The following CLNK variants were observed in gnomAD, a reference collection of about 807,000 sequenced individuals.
CLNK encodes cytokine-dependent hematopoietic cell linker.
A neutral mutation model predicts 68.6 loss-of-function variants in CLNK; 74 were observed. That is an observed-to-expected ratio of 1.08 (90% CI 0.89 to 1.31). CLNK has a LOEUF of 1.31. Among genes scored for constraint, CLNK ranks in the 50% most tolerant of loss-of-function variants. The probability of loss-of-function intolerance (pLI) is 0.00; values close to 1 mark genes in which losing one functional copy is unlikely to be tolerated. For synonymous variants in CLNK, 198 were observed against 172.2 expected, an observed-to-expected ratio of 1.15 and a Z score of -1.17; for missense variants, 553 against 515.3, an observed-to-expected ratio of 1.07 and a Z score of -0.71.
At chr4:10,683,295 A>G (rs911969002) in intron 1 of CLNK, among the ~76,000 whole-genome samples, 3 of 152,198 alleles carry the variant, frequency 2.0e-5, no homozygotes, top group Non-Finnish European at 4.4e-5. Flanking sequence ...TGTTCAGGCC[A>G]GAGCTGGCCA....
At chr4:10,504,036 C>T (rs1210319165) in intron 17 of CLNK, among the ~76,000 whole-genome samples, 4 of 151,300 alleles carry the variant, frequency 2.6e-5, no homozygotes, top group Non-Finnish European at 4.4e-5. Flanking sequence ...CCACCTCAGC[C>T]GCCCGAAGTG....
chr4:10,526,139 T>C (rs1718310272), intron 13 of CLNK, among the ~76,000 whole-genome samples: 1 of 152,192 alleles, frequency 6.6e-6, no homozygotes, highest in South Asian at 2.1e-4. Flanking sequence ...TCACTTTTAA[T>C]ATTTACAAGC....
At chr4:10,595,090 C>A (rs748138026) in intron 3 of CLNK, among the ~76,000 whole-genome samples, 146 of 151,496 alleles carry the variant, frequency 9.6e-4, no homozygotes, top group Non-Finnish European at 9.9e-4. Flanking sequence ...TCAAAAAAAA[C>A]CAAACCAAAC....
the CLNK span, chr4:10,697,095 C>G: frequency 6.6e-6 from 1 of 152,330 alleles, no homozygotes; most frequent in Middle Eastern, 3.4e-3. Flanking sequence ...ACTGTCACCC[C>G]TCAACCTTTC....
At chr4:10,612,435 T>G (rs989319963) in intron 2 of CLNK, among the ~76,000 whole-genome samples, 3 of 152,240 alleles carry the variant, frequency 2.0e-5, no homozygotes, top group African/African-American at 7.2e-5. Context: ...ATTATTCCTG[T>G]TGACAACATT....
At chr4:10,677,978 T>C (rs1396882014) in intron 1 of CLNK, among the ~76,000 whole-genome samples, 1 of 152,194 alleles carries the variant, frequency 6.6e-6, no homozygotes, top group Non-Finnish European at 1.5e-5. Flanking sequence ...TGTCATTCTG[T>C]GCAAGAGACT....
At chr4:10,701,613 C>A in the CLNK span, among the ~76,000 whole-genome samples, 1 of 152,212 alleles carries the variant, frequency 6.6e-6, no homozygotes, top group Admixed American at 6.5e-5. Flanking sequence ...TATGCAGGAA[C>A]TGATCCTAAG....
chr4:10,582,490 C>T (rs935321154), intron 4 of CLNK, among the ~76,000 whole-genome samples: 1 of 152,144 alleles, frequency 6.6e-6, no homozygotes, highest in Non-Finnish European at 1.5e-5. Flanking sequence ...AGGCTTAAGA[C>T]AGAAGGACCC....
chr4:10,726,973 G>A, the CLNK span, among the ~76,000 whole-genome samples: 1 of 152,152 alleles, frequency 6.6e-6, no homozygotes, highest in Non-Finnish European at 1.5e-5. Flanking sequence ...GGGCCAAAAT[G>A]CAATAGGTAT....
In CLNK at chr4:10,489,718, G is replaced by C. The variant is rs1716486344; in HGVS notation, c.*749C>G. 1 of 42,456 alleles carries C rather than the reference G, an allele frequency of 2.4e-5. No individual in the cohort carries two copies. 2.6% of individuals were successfully genotyped at this position (42,456 alleles called of 1,614,324 possible). A position where few individuals can be genotyped will look rare whatever the true frequency, so the allele number is the denominator to read the frequency against. On this transcript the variant is annotated 3_prime_UTR_variant, in exon 19 of 19. Transcript: ENST00000226951. Reference sequence around the variant, plus strand: ...CTCTCTGTCCCCAGGCTGGATTGGAGTGCAGTGGCGCGATTTCGGCTCACT... The same window carrying C: ...CTCTCTGTCCCCAGGCTGGATTGGACTGCAGTGGCGCGATTTCGGCTCACT...
chr4:10,699,643 G>T, the CLNK span, among the ~76,000 whole-genome samples: 1 of 149,960 alleles, frequency 6.7e-6, no homozygotes, highest in African/African-American at 2.5e-5. Context: ...CTCCAAAGTA[G>T]CTGGGATTAC....
chr4:10,609,039 G>C (rs1241981431), intron 2 of CLNK, among the ~76,000 whole-genome samples: 1 of 152,190 alleles, frequency 6.6e-6, no homozygotes, highest in South Asian at 2.1e-4. Context: ...GAATTTTGAC[G>C]TAGGAACTTA....
At chr4:10,549,738 T>C (rs1419762166) in intron 8 of CLNK, among the ~76,000 whole-genome samples, 2 of 152,330 alleles carry the variant, frequency 1.3e-5, no homozygotes, top group Middle Eastern at 3.4e-3. Context: ...ACAAATATTC[T>C]AAAATGCTAG....
the CLNK span, among the ~76,000 whole-genome samples, chr4:10,730,418 A>C: frequency 1.1e-4 from 17 of 152,246 alleles, no homozygotes; most frequent in East Asian, 1.7e-3. Context: ...TCTGCCTACT[A>C]TTCATTCCCA....
intron 3 of CLNK, among the ~76,000 whole-genome samples, chr4:10,588,753 T>C (rs976149): frequency 0.041 from 6,219 of 152,268 alleles, 186 homozygotes; most frequent in Middle Eastern, 0.099. Context: ...ATGATACTAC[T>C]TTTATGATAC....
chr4:10,535,870 G>A (rs948702532), intron 11 of CLNK, among the ~76,000 whole-genome samples: 1 of 152,094 alleles, frequency 6.6e-6, no homozygotes, highest in Non-Finnish European at 1.5e-5. Flanking sequence ...AAATAATTAA[G>A]TACATGGATA....
intron 11 of CLNK, among the ~76,000 whole-genome samples, chr4:10,537,272 G>A (rs1250951246): frequency 6.6e-6 from 1 of 152,214 alleles, no homozygotes; most frequent in Non-Finnish European, 1.5e-5. Context: ...GAGGTCAGGA[G>A]TTCGAGACCA....
chr4:10,492,168 G>T (rs770206581), intron 18 of CLNK, among the ~76,000 whole-genome samples: 1 of 152,160 alleles, frequency 6.6e-6, no homozygotes, highest in South Asian at 2.1e-4. Context: ...GAAGTGGACC[G>T]CCTTACTCAG....
chr4:10,620,124 C>G (rs1722380272), intron 2 of CLNK, among the ~76,000 whole-genome samples: 1 of 152,204 alleles, frequency 6.6e-6, no homozygotes, highest in Admixed American at 6.5e-5. Context: ...GAGCATGCGT[C>G]TCCTCTTAGA....
Sources: gnomAD v4.1 joint callset for allele counts (sites outside exome capture counted in the v4.1 genomes callset) on GRCh38, gnomAD v4.1.1 for gene constraint, MANE v1.5 for transcripts, NCBI Gene and HGNC (gene_info 2026-07-23, HGNC 2026-07-21) for gene names.